Variants in NOP58 observed in about 807,000 individuals in gnomAD.
NOP58 encodes NOP58 ribonucleoprotein.
In NOP58, 44 loss-of-function variants were observed where a neutral mutation model predicts 71.2. That is an observed-to-expected ratio of 0.62 (90% CI 0.49 to 0.79). The LOEUF (loss-of-function observed/expected upper bound fraction) is 0.79. NOP58 is among the 30% of genes least tolerant of loss of function. NOP58 has a pLI of 0.00. For synonymous variants in NOP58, 228 were observed against 200.3 expected, an observed-to-expected ratio of 1.14 and a Z score of -1.17; for missense variants, 538 against 620.2, an observed-to-expected ratio of 0.87 and a Z score of 1.41.
At position 202,303,463 on chromosome 2, in the gene NOP58, C is replaced by A. The variant is rs761580472; in HGVS notation, c.*27C>A. On this transcript the variant is annotated 3_prime_UTR_variant, in exon 15 of 15. Coordinates refer to ENST00000264279, the MANE Select transcript of NOP58 (RefSeq NM_015934.5). ...AGAAAGGAATTACGATTATATCACC[C>A]GGACACACATCATGCTTAAGATTCA... is the stretch of plus-strand genomic sequence containing the variant. 5.6e-6 allele frequency: 9 copies of A among 1,595,964 alleles called. No homozygotes were observed. Among genetic ancestry groups the A allele is most frequent in the Admixed American group, 1.8e-5 (1 of 56,986 alleles).
chr2:202,272,213 G>A (rs1377173911), intron 1 of NOP58, among the ~76,000 whole-genome samples: 3 of 145,848 alleles, frequency 2.1e-5, no homozygotes, highest in African/African-American at 5.0e-5. Context: ...GTGCAGTGGC[G>A]CGATCTCAGC....
At chr2:202,287,893 C>G (rs1169348494) in intron 6 of NOP58, among the ~76,000 whole-genome samples, 169 bp downstream of exon 6, 1 of 151,882 alleles carries the variant, frequency 6.6e-6, no homozygotes, top group African/African-American at 2.4e-5. Context: ...GGCGGATCAC[C>G]TGAGGTCAGG....
chr2:202,302,083 CTTTTTT>C (rs71031885), intron 13 of NOP58, among the ~76,000 whole-genome samples: 1 of 90,586 alleles, frequency 1.1e-5, no homozygotes, highest in African/African-American at 4.6e-5. Flanking sequence ...TTTTTTTTTT[CTTTTTT>C]TTTTTTTTTT....
At chr2:202,302,072 CT>C (rs1187670961) in intron 13 of NOP58, among the ~76,000 whole-genome samples, 21 of 119,110 alleles carry the variant, frequency 1.8e-4, no homozygotes, top group African/African-American at 2.9e-4. Flanking sequence ...TTTTCTTTTT[CT>C]TTTTTTTTTC....
At chr2:202,268,870 A>G (rs1478903973) in intron 1 of NOP58, among the ~76,000 whole-genome samples, 1 of 151,784 alleles carries the variant, frequency 6.6e-6, no homozygotes, top group Non-Finnish European at 1.5e-5. Context: ...AGCCTCCCAA[A>G]GTGCTGGGAT....
In NOP58 at chr2:202,290,453, A is replaced by C. The variant is rs1190856867; in HGVS notation, c.630A>C (p.Lys210Asn). Reference protein sequence around the residue: ...DNLTYCKCLQKVGDRKNYASA... With the variant: ...DNLTYCKCLQNVGDRKNYASA... Reference sequence around the variant, plus strand: ...TAACATACTGCAAGTGTTTACAGAAAGTTGGTGAGTAATTTGTTCATCCTT... The same window carrying C: ...TAACATACTGCAAGTGTTTACAGAACGTTGGTGAGTAATTTGTTCATCCTT... The change falls in exon 7 of 15, where the codon AAA becomes AAC. Residue 210 changes from lysine to asparagine, a missense_variant. Transcript: ENST00000264279. The C allele has an allele frequency of 6.2e-7, 1 of 1,607,280 alleles. No homozygotes were observed.
At position 202,292,837 on chromosome 2, in the gene NOP58, G is replaced by A. The variant is rs201365480; in HGVS notation, c.841G>A (p.Ala281Thr). 6.2e-6 allele frequency: 10 copies of A among 1,612,874 alleles called. No individual in the cohort carries two copies. In the East Asian group the frequency reaches 1.8e-4, roughly 29 times the overall value. ...TGAATATCTACAAAATCGAATGATG[G>A]CCATTGCACCCAATGTTACAGTCAT... ...LYEYLQNRMMAIAPNVTVMVG... is the reference protein window; with the variant it reads ...LYEYLQNRMMTIAPNVTVMVG... Residue 281 changes from alanine to threonine, a missense_variant, in exon 9 of 15, where the codon GCC (alanine) becomes ACC (threonine). By Grantham distance (58) the Ala-to-Thr change is moderately conservative. Coordinates refer to ENST00000264279, the MANE Select transcript of NOP58 (RefSeq NM_015934.5).
rs869075798 is a variant in NOP58, at chr2:202,291,968, C to CTTTTTT, written c.780+729_780+734dup. On this transcript the variant is annotated intron_variant, in intron 8 of 14. Coordinates refer to ENST00000264279, the MANE Select transcript of NOP58 (RefSeq NM_015934.5). ...GATACAAATGTTTATTGCTCAGAAT[C>CTTTTTT]TTTTTTTTTTTTTTTTTTTTTTTTT... 1.7e-3 allele frequency among the ~76,000 whole-genome samples: 75 copies of CTTTTTT among 43,960 alleles called. 29 individuals are homozygous for CTTTTTT. Among genetic ancestry groups the CTTTTTT allele is most frequent in the Middle Eastern group, 0.014 (1 of 72 alleles). 28.8% of individuals were successfully genotyped at this position (43,960 alleles called of 152,430 possible). A position where few individuals can be genotyped will look rare whatever the true frequency, so the allele number is the denominator to read the frequency against.
At chr2:202,291,876 G>A (rs1688906423) in intron 8 of NOP58, among the ~76,000 whole-genome samples, 1 of 134,602 alleles carries the variant, frequency 7.4e-6, no homozygotes, top group South Asian at 2.5e-4. Context: ...TGAGTCTTAT[G>A]TCTATATCTT....
intron 2 of NOP58, among the ~76,000 whole-genome samples, chr2:202,276,136 C>T (rs1319838614): frequency 6.6e-6 from 1 of 151,852 alleles, no homozygotes; most frequent in Non-Finnish European, 1.5e-5. Flanking sequence ...GTCAGGAGCT[C>T]GAGACCAGCC....
At chr2:202,297,247 A>T in intron 10 of NOP58, 132 bp from the exon 11 acceptor site, 1 of 761,176 alleles carries the variant, frequency 1.3e-6, no homozygotes, top group Non-Finnish European at 2.0e-6. Flanking sequence ...ATTGTGGCAA[A>T]GGTTGAAATA....
intron 13 of NOP58, among the ~76,000 whole-genome samples, chr2:202,302,072 C>CTTTTTTTTTTCTTTTTTTTTTTTTTT (rs1689101628): frequency 8.4e-6 from 1 of 119,116 alleles, no homozygotes; most frequent in Non-Finnish European, 1.8e-5. Context: ...TTTTCTTTTT[C>CTTTTTTTTTTCTTTTTTTTTTTTTTT]TTTTTTTTTT....
rs1688883592 is a variant in NOP58 at position 202,291,227 on chromosome 2, T to G, written c.737T>G (p.Val246Gly). The change falls in exon 8 of 15, where the codon GTT becomes GGT. Residue 246 changes from valine to glycine, a missense_variant. Val to Gly is a moderately radical substitution (Grantham distance 109). Coordinates refer to ENST00000264279, the MANE Select transcript of NOP58 (RefSeq NM_015934.5). ...AAAEISMGTEVSEEDICNILH... is the reference protein window; with the variant it reads ...AAAEISMGTEGSEEDICNILH... ...GCAGAGATATCAATGGGAACAGAGGTTTCAGAAGAAGATATTTGCAATATT... is the reference window on the plus strand; with the variant it reads ...GCAGAGATATCAATGGGAACAGAGGGTTCAGAAGAAGATATTTGCAATATT... 1 of 1,609,668 alleles carries G rather than the reference T, an allele frequency of 6.2e-7. No individual in the cohort carries two copies.
At chr2:202,275,040 G>T in intron 1 of NOP58, 73 bp from the exon 2 acceptor site, 1 of 658,788 alleles carries the variant, frequency 1.5e-6, no homozygotes. Context: ...ATGTAAAATT[G>T]TATTTGAAGA....
chr2:202,290,584 G>A lies in NOP58; in HGVS notation c.634+127G>A. 4 of 779,110 alleles carry A rather than the reference G, an allele frequency of 5.1e-6. No individual in the cohort carries two copies. In the South Asian group the frequency reaches 5.4e-5, roughly 11 times the overall value. 48.3% of individuals were successfully genotyped at this position (779,110 alleles called of 1,614,324 possible). On this transcript the variant is annotated intron_variant, in intron 7 of 14. Coordinates refer to ENST00000264279, the MANE Select transcript of NOP58 (RefSeq NM_015934.5). ...TTTGCAATTTCTGTGTATTTGGGAA[G>A]TGTAGCAGTTTAGTGTCTTAAATTT...
At position 202,290,352 on chromosome 2, in the gene NOP58, A is replaced by C. The variant is rs1243638426; in HGVS notation, c.529A>C (p.Asn177His). The C allele has an allele frequency of 1.2e-6, 2 of 1,607,622 alleles. No individual in the cohort carries two copies. Among genetic ancestry groups the C allele is most frequent in the South Asian group, 2.2e-5 (2 of 89,952 alleles). ...SLLDDLDKEL[N>H]NYIMRCREWY... ...GTTAGATGACTTGGATAAAGAACTA[A>C]ACAACTACATTATGCGATGTAGAGA... Residue 177 changes from asparagine to histidine, a missense_variant, in exon 7 of 15, where the codon AAC becomes CAC. Coordinates refer to ENST00000264279, the MANE Select transcript of NOP58 (RefSeq NM_015934.5).
chr2:202,294,897 G>A (rs912523902), intron 9 of NOP58, among the ~76,000 whole-genome samples: 10 of 151,990 alleles, frequency 6.6e-5, no homozygotes, highest in African/African-American at 1.9e-4. Flanking sequence ...CCCGGGAGGC[G>A]GAGGATGCAG....
chr2:202,271,060 C>T (rs761050873), intron 1 of NOP58, among the ~76,000 whole-genome samples: 13 of 151,112 alleles, frequency 8.6e-5, no homozygotes, highest in Non-Finnish European at 1.6e-4. Context: ...CCCCAGCCTG[C>T]GTGACAGGGC....
chr2:202,273,108 G>C (rs1043808260), intron 1 of NOP58, among the ~76,000 whole-genome samples: 3 of 150,990 alleles, frequency 2.0e-5, no homozygotes, highest in African/African-American at 7.2e-5. Flanking sequence ...CTGGGCGACA[G>C]AGCGAGACTC....
Sources: gnomAD v4.1 joint callset for allele counts (sites outside exome capture counted in the v4.1 genomes callset) on GRCh38, gnomAD v4.1.1 for gene constraint, MANE v1.5 for transcripts, NCBI Gene and HGNC (gene_info 2026-07-23, HGNC 2026-07-21) for gene names.